Variants in MGAT5B observed in about 807,000 individuals in gnomAD.
MGAT5B encodes N-acetylglucosaminyl-transferase Vb.
Under a neutral mutation model 95.1 loss-of-function variants are expected in MGAT5B, and 54 were observed. That is an observed-to-expected ratio of 0.57 (90% CI 0.46 to 0.71). The LOEUF (loss-of-function observed/expected upper bound fraction) is 0.71, where lower values mean the gene tolerates loss of function less well. Ranked by LOEUF, MGAT5B falls within the 30% of genes least tolerant of loss-of-function variation. MGAT5B has a pLI of 0.00. For missense variants in MGAT5B, 935 were observed against 1,088.6 expected (o/e 0.86, Z 1.99); for synonymous variants, 464 against 451.0 (o/e 1.03, Z -0.36).
chr17:76,946,103 T>C (rs908805596), intron 15 of MGAT5B: 13 of 378,428 alleles, frequency 3.4e-5, no homozygotes, highest in Middle Eastern at 6.8e-4. Context: ...TTTATCCTCA[T>C]TGCAGTTGGG....
intron 2 of MGAT5B, among the ~76,000 whole-genome samples, chr17:76,875,928 C>A (rs1050760182): frequency 1.3e-5 from 2 of 152,010 alleles, no homozygotes; most frequent in African/African-American, 4.8e-5. Flanking sequence ...TCCCAGGCCT[C>A]AGAAGCTGAG....
Position 76,940,531 on chromosome 17 carries a change from A to G in MGAT5B, c.1714A>G (p.Lys572Glu). The change falls in exon 14 of 18, where the codon AAG becomes GAG. Residue 572 changes from lysine to glutamate, a missense_variant. Lys to Glu is a moderately conservative substitution (Grantham distance 56). Transcript: ENST00000569840. The surrounding 1 kb of genome is among the most constrained non-coding windows in gnomAD (Gnocchi z 4.3). ...CCTCAACCACGAGTTCTTCCGAGGCAAGCCCACCTCCAGAGAGGTGAGTGG... is the reference window on the plus strand; with the variant it reads ...CCTCAACCACGAGTTCTTCCGAGGCGAGCCCACCTCCAGAGAGGTGAGTGG... ...SSLNHEFFRG[K>E]PTSREVFSQH... 2 of 1,612,648 alleles carry G rather than the reference A, an allele frequency of 1.2e-6. No homozygotes were observed. Among genetic ancestry groups the G allele is most frequent in the Non-Finnish European group, 1.7e-6 (2 of 1,179,158 alleles).
At chr17:76,924,326 C>T (rs779022248) in intron 8 of MGAT5B, 58 of 152,660 alleles carry the variant, frequency 3.8e-4, no homozygotes, top group Middle Eastern at 3.4e-3. Context: ...TGCCAGATGG[C>T]AGAGGGGCAC....
rs55805480 is a variant in MGAT5B at position 76,930,922 on chromosome 17, G to A, written c.1292-1723G>A. Among the ~76,000 whole-genome samples, 8,599 of 152,198 alleles carry A rather than the reference G, an allele frequency of 0.056. 296 individuals are homozygous for A. The highest frequency in any genetic ancestry group is 0.1 in the South Asian group (488 of 4,816). On this transcript the variant is annotated intron_variant, in intron 10 of 17. Coordinates refer to ENST00000569840, the MANE Select transcript of MGAT5B (RefSeq NM_001199172.2). This position sits in a 1 kb window ranked among gnomAD's most constrained non-coding sequence, Gnocchi z 4.1. Reference sequence around the variant, plus strand: ...GAGACAAGGGAGGAGGGCAGTGCAGGCCGAGGGGACAGCAGCAGGGGCAAC... The same window carrying A: ...GAGACAAGGGAGGAGGGCAGTGCAGACCGAGGGGACAGCAGCAGGGGCAAC...
At chr17:76,887,450 CCTTCCTCCCTCCCTCCCTCCCTT>C (rs1967680622) in intron 3 of MGAT5B, among the ~76,000 whole-genome samples, 1 of 107,690 alleles carries the variant, frequency 9.3e-6, no homozygotes, top group African/African-American at 3.6e-5. Flanking sequence ...TCCCTCCCTT[CCTTCCTCCCTCCCTCCCTCCCTT>C]CCTCCCTCCC....
rs201785876 is a variant in MGAT5B at position 76,905,958 on chromosome 17, G to C, written c.856-60G>C. The C allele has an allele frequency of 3.4e-3, 5,112 of 1,499,230 alleles. 19 individuals are homozygous for C. The highest frequency in any genetic ancestry group is 0.014 in the Middle Eastern group (57 of 4,222). The allele number at this position is 1,499,230 out of a possible 1,614,324, so 92.9% of individuals were successfully genotyped here. On this transcript the variant is annotated intron_variant, in intron 7 of 17. Coordinates refer to ENST00000569840, the MANE Select transcript of MGAT5B (RefSeq NM_001199172.2). The surrounding 1 kb of genome is among the most constrained non-coding windows in gnomAD (Gnocchi z 4.2). ...GCTGGTCTCCTGGCCGGTGCCCCGGGGGGGCGGGGCTCAGAGCTGCTGCTC... is the reference window on the plus strand; with the variant it reads ...GCTGGTCTCCTGGCCGGTGCCCCGGCGGGGCGGGGCTCAGAGCTGCTGCTC...
rs772190815 is a variant in MGAT5B, at chr17:76,917,416, C to G, written c.1026-7550C>G. Among the ~76,000 whole-genome samples the G allele has an allele frequency of 4.6e-5, 7 of 151,984 alleles. No individual in the cohort carries two copies. The highest frequency in any genetic ancestry group is 6.6e-5 in the Admixed American group (1 of 15,266). On this transcript the variant is annotated intron_variant, in intron 8 of 17. Coordinates refer to ENST00000569840, the MANE Select transcript of MGAT5B (RefSeq NM_001199172.2). This position sits in a 1 kb window ranked among gnomAD's most constrained non-coding sequence, Gnocchi z 6.1. ...TCACTTTGAAGGATCAGCAGTTTGA[C>G]CGTGGGCTGAGTCACTTGTCATAAG...
At position 76,903,297 on chromosome 17, in the gene MGAT5B, C is replaced by T; in HGVS notation, c.446-6C>T. 1 of 1,610,044 alleles carries T rather than the reference C, an allele frequency of 6.2e-7. No individual in the cohort carries two copies. On this transcript the variant is annotated splice_polypyrimidine_tract_variant and splice_region_variant and intron_variant, in intron 4 of 17. Coordinates refer to ENST00000569840, the MANE Select transcript of MGAT5B (RefSeq NM_001199172.2). ...GGGACTTCAGCAAGGTGACCTCTCC[C>T]TACAGTGTCAGAAGGCCGGCGGGAC...
Position 76,916,293 on chromosome 17 carries a change from T to C in MGAT5B, c.1026-8673T>C, listed in dbSNP as rs985463679. 6.6e-6 allele frequency among the ~76,000 whole-genome samples: 1 copy of C among 152,248 alleles called. No homozygotes were observed. Among genetic ancestry groups the C allele is most frequent in the African/African-American group, 2.4e-5 (1 of 41,468 alleles). On this transcript the variant is annotated intron_variant, in intron 8 of 17. Coordinates refer to ENST00000569840, the MANE Select transcript of MGAT5B (RefSeq NM_001199172.2). The surrounding 1 kb of genome is among the most constrained non-coding windows in gnomAD (Gnocchi z 5.3). ...CTGCGCTGGCGTCACAGGGAGTCTG[T>C]TTCTTGCAAGTCAAGGCCCCCCGGC...
chr17:76,900,929 G>A (rs12051794), intron 3 of MGAT5B, among the ~76,000 whole-genome samples: 4 of 110,332 alleles, frequency 3.6e-5, no homozygotes, highest in South Asian at 5.4e-4. Flanking sequence ...ACATGTGTGC[G>A]TGCGTGTTTG....
At position 76,948,940 on chromosome 17, in the gene MGAT5B, C is replaced by G. The variant is rs965671166; in HGVS notation, c.*102C>G. ...CCCTGGCTGCTTGTCCTCCTCGCAA[C>G]CCCCCCAGGCCGGAGCTTCCTTCCT... is the stretch of plus-strand genomic sequence containing the variant. On this transcript the variant is annotated 3_prime_UTR_variant, in exon 18 of 18. Transcript: ENST00000569840. The G allele has an allele frequency of 1.6e-6, 2 of 1,250,176 alleles. No homozygotes were observed. The highest frequency in any genetic ancestry group is 1.1e-6 in the Non-Finnish European group (1 of 917,636). 77.4% of individuals were successfully genotyped at this position (1,250,176 alleles called of 1,614,324 possible). A position where few individuals can be genotyped will look rare whatever the true frequency, so the allele number is the denominator to read the frequency against.
intron 4 of MGAT5B, among the ~76,000 whole-genome samples, chr17:76,903,085 G>A (rs1009840390): frequency 1.3e-5 from 2 of 152,158 alleles, no homozygotes; most frequent in African/African-American, 4.8e-5. Flanking sequence ...CTGCTGAGTG[G>A]CTGTTCGCAC....
chr17:76,884,673 G>A lies in MGAT5B; in HGVS notation c.329+2375G>A, dbSNP rs909379638. Among the ~76,000 whole-genome samples, 11 of 150,416 alleles carry A rather than the reference G, an allele frequency of 7.3e-5. 2 individuals are homozygous for A. Among genetic ancestry groups the A allele is most frequent in the Admixed American group, 4.0e-4 (6 of 15,006 alleles). The stretch of plus-strand genomic sequence containing the variant: ...GGCTGGAGTGCAGTGGCATGATCTC[G>A]GCTCACTGCAAGCTCTGCCTCCCGG... On this transcript the variant is annotated intron_variant, in intron 3 of 17. Coordinates refer to ENST00000569840, the MANE Select transcript of MGAT5B (RefSeq NM_001199172.2).
At position 76,938,251 on chromosome 17, in the gene MGAT5B, C is replaced by G; in HGVS notation, c.1584+108C>G. 1 of 1,403,250 alleles carries G rather than the reference C, an allele frequency of 7.1e-7. No homozygotes were observed. The highest frequency in any genetic ancestry group is 1.3e-5 in the South Asian group (1 of 77,018). 86.9% of individuals were successfully genotyped at this position (1,403,250 alleles called of 1,614,324 possible). A position where few individuals can be genotyped will look rare whatever the true frequency, so the allele number is the denominator to read the frequency against. On this transcript the variant is annotated intron_variant, in intron 13 of 17. Coordinates refer to ENST00000569840, the MANE Select transcript of MGAT5B (RefSeq NM_001199172.2). This position sits in a 1 kb window ranked among gnomAD's most constrained non-coding sequence, Gnocchi z 4.3. Reference sequence around the variant, plus strand: ...AGGCCCCTTCCACATATGGACATACCCCAGCATGCTCTGCTGCCCTGAGCC... The same window carrying G: ...AGGCCCCTTCCACATATGGACATACGCCAGCATGCTCTGCTGCCCTGAGCC...
chr17:76,892,295 G>A lies in MGAT5B; in HGVS notation c.329+9997G>A, dbSNP rs559632013. Among the ~76,000 whole-genome samples, 12 of 152,314 alleles carry A rather than the reference G, an allele frequency of 7.9e-5. No homozygotes were observed. The East Asian group carries it at 1.4e-3, about 17-fold the overall frequency. Reference sequence around the variant, plus strand: ...ACACCTGACCTCAGGTGATCCGCCCGCCCCGGCCTCCCAAAGTGTTGGGAT... The same window carrying A: ...ACACCTGACCTCAGGTGATCCGCCCACCCCGGCCTCCCAAAGTGTTGGGAT... On this transcript the variant is annotated intron_variant, in intron 3 of 17. Coordinates refer to ENST00000569840, the MANE Select transcript of MGAT5B (RefSeq NM_001199172.2).
intron 10 of MGAT5B, among the ~76,000 whole-genome samples, chr17:76,927,742 C>T (rs1348232711): frequency 6.6e-6 from 1 of 152,258 alleles, no homozygotes; most frequent in African/African-American, 2.4e-5. Flanking sequence ...CTGCGCTCTT[C>T]CACCTTGTTG....
intron 15 of MGAT5B, 103 bp from the exon 16 acceptor site, chr17:76,946,273 G>T (rs2145290653): frequency 2.1e-6 from 2 of 962,652 alleles, no homozygotes; most frequent in Non-Finnish European, 1.6e-6. Context: ...CATGGCACAG[G>T]ATGTGAGAGC....
In MGAT5B at chr17:76,869,483, G is replaced by A. The variant is rs1966914090; in HGVS notation, c.68+386G>A. 6.6e-6 allele frequency among the ~76,000 whole-genome samples: 1 copy of A among 152,090 alleles called. No individual in the cohort carries two copies. Among genetic ancestry groups the A allele is most frequent in the Admixed American group, 6.5e-5 (1 of 15,288 alleles). ...CCCATCCGGGTGGCAAAGTTAGTGT[G>A]CGGCGCCTTGGAGCTCCCCCTCCGG... On this transcript the variant is annotated intron_variant, in intron 1 of 17. Transcript: ENST00000569840. This position sits in a 1 kb window ranked among gnomAD's most constrained non-coding sequence, Gnocchi z 7.0.
chr17:76,932,983 G>T (rs150842816), intron 11 of MGAT5B, among the ~76,000 whole-genome samples: 149 of 152,288 alleles, frequency 9.8e-4, no homozygotes, highest in Non-Finnish European at 1.8e-3. Context: ...CTTGTCTCCC[G>T]GACTCTCGTA....
Sources: allele counts gnomAD v4.1 joint callset (sites outside exome capture counted in the v4.1 genomes callset), GRCh38; gene constraint gnomAD v4.1.1; non-coding constraint Gnocchi (gnomAD v3.1); transcripts MANE v1.5; gene names NCBI Gene and HGNC (gene_info 2026-07-23, HGNC 2026-07-21).